The following CNKSR2 variants were observed in gnomAD, a reference collection of about 807,000 sequenced individuals.
CNKSR2 encodes the protein connector enhancer of kinase suppressor of Ras 2.
CNKSR2 carries 14 observed loss-of-function variants against 84.4 expected under a neutral mutation model. That is an observed-to-expected ratio of 0.17 (90% CI 0.11 to 0.26). CNKSR2 has a LOEUF of 0.26. CNKSR2 is among the 10% of genes least tolerant of loss of function. The probability of loss-of-function intolerance (pLI) is 1.00; values close to 1 mark genes in which losing one functional copy is unlikely to be tolerated. For missense variants in CNKSR2, 485 were observed against 771.2 expected (o/e 0.63, Z 4.40); for synonymous variants, 275 against 277.9 (o/e 0.99, Z 0.10).
chrX:21,482,050 C>T (rs766625080), intron 5 of CNKSR2, among the ~76,000 whole-genome samples: 1 of 111,792 alleles, frequency 8.9e-6, no homozygotes, highest in South Asian at 3.8e-4. Flanking sequence ...TTTCTTTAAG[C>T]CTCCAACCTT....
intron 9 of CNKSR2, among the ~76,000 whole-genome samples, chrX:21,526,461 A>G (rs1294674787): frequency 9.0e-6 from 1 of 111,421 alleles, no homozygotes; most frequent in Non-Finnish European, 1.9e-5. Flanking sequence ...TCAGGATGTG[A>G]GTGAGCTAAT....
intron 11 of CNKSR2, among the ~76,000 whole-genome samples, chrX:21,541,045 C>T (rs930845567): frequency 2.7e-4 from 29 of 109,263 alleles, no homozygotes; most frequent in South Asian, 8.0e-4. Flanking sequence ...TGCAGTGGCA[C>T]GATCTCGGCT....
At chrX:21,423,112 A>C (rs549496187) in intron 1 of CNKSR2, among the ~76,000 whole-genome samples, 1 of 111,942 alleles carries the variant, frequency 8.9e-6, no homozygotes, top group East Asian at 2.8e-4. Flanking sequence ...ATATATATTA[A>C]ACAAAGACCT....
intron 13 of CNKSR2, among the ~76,000 whole-genome samples, chrX:21,583,363 C>A (rs1279588182): frequency 9.0e-6 from 1 of 111,722 alleles, no homozygotes; most frequent in African/African-American, 3.3e-5. Context: ...TATTGTCATC[C>A]TATCCCATTT....
At chrX:21,462,295 A>G (rs1306608952) in intron 4 of CNKSR2, among the ~76,000 whole-genome samples, 1 of 111,914 alleles carries the variant, frequency 8.9e-6, no homozygotes, top group Non-Finnish European at 1.9e-5. Flanking sequence ...ATTTGTGGCT[A>G]TTGAAAATGG....
chrX:21,628,135 TA>T (rs1159281019), intron 20 of CNKSR2, among the ~76,000 whole-genome samples: 3 of 111,630 alleles, frequency 2.7e-5, no homozygotes, highest in African/African-American at 9.8e-5. Context: ...AGCAGGGCAG[TA>T]AAATCTTAAA....
chrX:21,497,056 C>G lies in CNKSR2; in HGVS notation c.682-731C>G, dbSNP rs1245929300. Among the ~76,000 whole-genome samples, 3 of 110,787 alleles carry G rather than the reference C, an allele frequency of 2.7e-5. No individual in the cohort carries two copies. In the East Asian group the frequency reaches 8.5e-4, roughly 31 times the overall value. On this transcript the variant is annotated intron_variant, in intron 6 of 21. Transcript: ENST00000379510. ...CACTATCCATAATTTAAAGTTTCCA[C>G]TTGCTCTTAAAGTTTGTATGATTTC...
rs775791421 is a variant in CNKSR2, at chrX:21,503,285, G to A, written c.810+1697G>A. Reference sequence around the variant, plus strand: ...TGAAAACTACACAGAATGATCTTTGGGAAAACTTGGTTCCAGCTCTTGCTC... The same window carrying A: ...TGAAAACTACACAGAATGATCTTTGAGAAAACTTGGTTCCAGCTCTTGCTC... On this transcript the variant is annotated intron_variant, in intron 8 of 21. Coordinates refer to ENST00000379510, the MANE Select transcript of CNKSR2 (RefSeq NM_014927.5). 1.1e-4 allele frequency: 31 copies of A among 293,001 alleles called. No homozygotes were observed. In the South Asian group the frequency reaches 6.3e-3, roughly 59 times the overall value. 24.1% of individuals were successfully genotyped at this position (293,001 alleles called of 1,213,427 possible).
At chrX:21,558,024 G>A (rs1164580971) in intron 11 of CNKSR2, among the ~76,000 whole-genome samples, 1 of 111,138 alleles carries the variant, frequency 9.0e-6, no homozygotes, top group Admixed American at 9.5e-5. Flanking sequence ...TAGTACTCTT[G>A]CCTTTGGTGT....
intron 8 of CNKSR2, among the ~76,000 whole-genome samples, chrX:21,513,277 G>A (rs2091693978): frequency 9.0e-6 from 1 of 111,567 alleles, no homozygotes; most frequent in Admixed American, 9.5e-5. Context: ...TAGCCTAGAG[G>A]AAACAGGTAC....
rs1026510914 is a variant in CNKSR2, at chrX:21,595,304, T to C, written c.1905-20T>C. On this transcript the variant is annotated intron_variant, in intron 16 of 21. Transcript: ENST00000379510. ...CTTATTTCCCAATTTGTAATAAATG[T>C]ACTTTGTTTCCTTTTGCAGTGCATT... 2.4e-5 allele frequency: 27 copies of C among 1,129,720 alleles called. No individual in the cohort carries two copies. Among genetic ancestry groups the C allele is most frequent in the Non-Finnish European group, 3.2e-5 (27 of 830,864 alleles). The allele number at this position is 1,129,720 out of a possible 1,213,427, so 93.1% of individuals were successfully genotyped here. A position where few individuals can be genotyped will look rare whatever the true frequency, so the allele number is the denominator to read the frequency against.
intron 1 of CNKSR2, among the ~76,000 whole-genome samples, chrX:21,419,155 G>C (rs914074459): frequency 9.2e-6 from 1 of 109,119 alleles, no homozygotes; most frequent in Non-Finnish European, 1.9e-5. Context: ...TCTTTGTTCT[G>C]CTTGACCAAA....
rs752118127 is a variant in CNKSR2, at chrX:21,407,247, T to G, written c.65-19250T>G. On this transcript the variant is annotated intron_variant, in intron 1 of 21. Transcript: ENST00000379510. ...AGGTTGAAGTGAAGGACAAAAGAAA[T>G]AAATTTTATTACAGAAAACATGTCT... Among the ~76,000 whole-genome samples, 317 of 111,775 alleles carry G rather than the reference T, an allele frequency of 2.8e-3. 1 individual carries two copies. Among genetic ancestry groups the G allele is most frequent in the African/African-American group, 9.5e-3 (294 of 30,881 alleles).
intron 4 of CNKSR2, among the ~76,000 whole-genome samples, chrX:21,464,449 T>A (rs2091101194): frequency 8.9e-6 from 1 of 112,039 alleles, no homozygotes; most frequent in Non-Finnish European, 1.9e-5. Flanking sequence ...TTTTTGGTTC[T>A]TATGGAGATG....
chrX:21,562,544 C>A (rs2092200769), intron 12 of CNKSR2, among the ~76,000 whole-genome samples: 1 of 111,446 alleles, frequency 9.0e-6, no homozygotes, highest in Non-Finnish European at 1.9e-5. Flanking sequence ...TCCTTTATAT[C>A]TGTGTATTCA....
At chrX:21,565,805 G>T (rs1045832472) in intron 13 of CNKSR2, among the ~76,000 whole-genome samples, 1 of 111,546 alleles carries the variant, frequency 9.0e-6, no homozygotes, top group Non-Finnish European at 1.9e-5. Flanking sequence ...CTAGGCTCTT[G>T]AGTTCCCTTG....
intron 13 of CNKSR2, among the ~76,000 whole-genome samples, chrX:21,582,868 G>C: frequency 9.0e-6 from 1 of 111,226 alleles, no homozygotes; most frequent in Non-Finnish European, 1.9e-5. Context: ...TGTAGGAACA[G>C]GAGGACTCAC....
chrX:21,437,571 C>T (rs1315874639), intron 3 of CNKSR2, among the ~76,000 whole-genome samples: 1 of 108,296 alleles, frequency 9.2e-6, no homozygotes. Flanking sequence ...AGGCACCCGT[C>T]ACCATGCCTA....
chrX:21,546,411 TATGA>T (rs1392041601), intron 11 of CNKSR2, among the ~76,000 whole-genome samples: 3 of 109,176 alleles, frequency 2.7e-5, no homozygotes, highest in Non-Finnish European at 3.8e-5. Context: ...CTCCAAGAAA[TATGA>T]GACTATGTGA....
Sources: gnomAD v4.1 joint callset for allele counts (sites outside exome capture counted in the v4.1 genomes callset) on GRCh38, gnomAD v4.1.1 for gene constraint, MANE v1.5 for transcripts, NCBI Gene and HGNC (gene_info 2026-07-23, HGNC 2026-07-21) for gene names.